The following LRIG1 variants were observed in gnomAD, a reference collection of about 807,000 sequenced individuals.
LRIG1 encodes the protein leucine-rich repeats and immunoglobulin-like domains protein 1.
A neutral mutation model predicts 99.2 loss-of-function variants in LRIG1; 48 were observed. That is an observed-to-expected ratio of 0.48 (90% CI 0.38 to 0.62). LRIG1 has a LOEUF of 0.62. Among genes scored for constraint, LRIG1 ranks in the 20% least tolerant of loss-of-function variants. LRIG1 has a pLI of 0.00. For synonymous variants in LRIG1, 772 were observed against 596.1 expected, an observed-to-expected ratio of 1.29 and a Z score of -4.30; for missense variants, 1,646 against 1,434.4, an observed-to-expected ratio of 1.15 and a Z score of -2.38.
chr3:66,428,059 C>G (rs2106733542), intron 3 of LRIG1, among the ~76,000 whole-genome samples: 1 of 152,204 alleles, frequency 6.6e-6, no homozygotes, highest in Admixed American at 6.5e-5. Context: ...GAGTTATTTC[C>G]AATTCAGGCT....
Position 66,468,253 on chromosome 3 carries a change from G to A in LRIG1, c.219-5744C>T, listed in dbSNP as rs148452045. Among the ~76,000 whole-genome samples the A allele has an allele frequency of 5.8e-3, 886 of 152,220 alleles. 11 individuals are homozygous for A. Among genetic ancestry groups the A allele is most frequent in the African/African-American group, 0.02 (830 of 41,524 alleles). On this transcript the variant is annotated intron_variant, in intron 1 of 18. Transcript: ENST00000273261. ...TGTGGTGAGGAAACAACCCCACTTCGTTAGACAACAGAATTATCACTTCAT... is the reference window on the plus strand; with the variant it reads ...TGTGGTGAGGAAACAACCCCACTTCATTAGACAACAGAATTATCACTTCAT...
chr3:66,424,582 T>C (rs994804406), intron 3 of LRIG1, among the ~76,000 whole-genome samples: 2 of 152,198 alleles, frequency 1.3e-5, no homozygotes, highest in African/African-American at 2.4e-5. Flanking sequence ...AGAAGATCCA[T>C]ACCTCTTTTT....
chr3:66,389,449 C>T (rs1476274696), intron 12 of LRIG1, among the ~76,000 whole-genome samples: 1 of 152,082 alleles, frequency 6.6e-6, no homozygotes, highest in Non-Finnish European at 1.5e-5. Flanking sequence ...AAACTATGAT[C>T]CAGCTATAGC....
At chr3:66,389,606 G>A (rs2107953519) in intron 12 of LRIG1, among the ~76,000 whole-genome samples, 1 of 152,246 alleles carries the variant, frequency 6.6e-6, no homozygotes, top group Middle Eastern at 3.4e-3. Context: ...ATGTAAAAGG[G>A]TCAATGCATC....
At chr3:66,428,412 C>A (rs1188556344) in intron 3 of LRIG1, among the ~76,000 whole-genome samples, 1 of 152,092 alleles carries the variant, frequency 6.6e-6, no homozygotes, top group African/African-American at 2.4e-5. Context: ...CATGGCCAAG[C>A]TCAATCTAAT....
chr3:66,386,121 G>A lies in LRIG1; in HGVS notation c.1649C>T (p.Ala550Val), dbSNP rs146524014. 124 of 1,614,094 alleles carry A rather than the reference G, an allele frequency of 7.7e-5. No individual in the cohort carries two copies. The highest frequency in any genetic ancestry group is 5.5e-4 in the African/African-American group (41 of 75,034). ...GTACTCCATCACTTCCCCGTCCTGC[G>A]CGTGGACGTGGACAAAGTTCTCCAT... ...ADMENFVHVH[A>V]QDGEVMEYTT... Residue 550 changes from alanine to valine, a missense_variant, in exon 13 of 19, where the codon GCG (alanine) becomes GTG (valine). Physicochemically the swap from Ala to Val is moderately conservative, Grantham distance 64 (BLOSUM62 0). Transcript: ENST00000273261.
intron 3 of LRIG1, among the ~76,000 whole-genome samples, chr3:66,438,477 C>T (rs1208316778): frequency 6.6e-6 from 1 of 152,110 alleles, no homozygotes; most frequent in Admixed American, 6.5e-5. Context: ...GGTGAGGGAA[C>T]AGAAGTCACA....
At position 66,445,323 on chromosome 3, in the gene LRIG1, T is replaced by C. The variant is rs953749613; in HGVS notation, c.365+6236A>G. The stretch of plus-strand genomic sequence containing the variant: ...TACTTTTACCCAAACGGACTGGCCA[T>C]CCTTCAATAGTAAAGCTAAATCAGG... On this transcript the variant is annotated intron_variant, in intron 3 of 18. Coordinates refer to ENST00000273261, the MANE Select transcript of LRIG1 (RefSeq NM_015541.3). Among the ~76,000 whole-genome samples, 23 of 152,092 alleles carry C rather than the reference T, an allele frequency of 1.5e-4. No homozygotes were observed. In the East Asian group the frequency reaches 3.1e-3, roughly 20 times the overall value.
rs1575638462 is a variant in LRIG1 at position 66,380,613 on chromosome 3, C to G, written c.3019G>C (p.Val1007Leu). 1 of 1,614,170 alleles carries G rather than the reference C, an allele frequency of 6.2e-7. No homozygotes were observed. Among genetic ancestry groups the G allele is most frequent in the South Asian group, 1.1e-5 (1 of 91,084 alleles). ...AGAGATGCCATTGGCTTTTTCTTCA[C>G]AGCCGTCAGCATTCTATCGTGGTTA... is the stretch of plus-strand genomic sequence containing the variant. ...PSNHDRMLTA[V>L]KKKPMASLDG... Residue 1007 changes from valine to leucine, a missense_variant, in exon 18 of 19, where the codon GTG (valine) becomes CTG (leucine). By Grantham distance (32) the Val-to-Leu change is conservative (BLOSUM62 1). Coordinates refer to ENST00000273261, the MANE Select transcript of LRIG1 (RefSeq NM_015541.3).
At chr3:66,464,830 A>G (rs780720558) in intron 1 of LRIG1, among the ~76,000 whole-genome samples, 4 of 152,220 alleles carry the variant, frequency 2.6e-5, no homozygotes, top group Admixed American at 1.3e-4. Flanking sequence ...TCCCTTAAAG[A>G]GCAGACAAAA....
In LRIG1 at chr3:66,380,233, T is replaced by C. The variant is rs1700954267; in HGVS notation, c.*30A>G. 4 of 1,566,548 alleles carry C rather than the reference T, an allele frequency of 2.6e-6. No individual in the cohort carries two copies. Among genetic ancestry groups the C allele is most frequent in the East Asian group, 2.2e-5 (1 of 44,488 alleles). On this transcript the variant is annotated 3_prime_UTR_variant, in exon 19 of 19. Transcript: ENST00000273261. ...TCCTACCTCTCTTTCCCGTAGAGATTGGTATGACAAGAACTGAGGTAGACA... is the reference window on the plus strand; with the variant it reads ...TCCTACCTCTCTTTCCCGTAGAGATCGGTATGACAAGAACTGAGGTAGACA...
intron 4 of LRIG1, among the ~76,000 whole-genome samples, 175 bp from the exon 5 acceptor site, chr3:66,415,238 C>T (rs748093224): frequency 2.0e-5 from 3 of 152,180 alleles, no homozygotes; most frequent in Non-Finnish European, 4.4e-5. Context: ...TAGAGAGATG[C>T]AGGTGTTAGG....
intron 1 of LRIG1, among the ~76,000 whole-genome samples, chr3:66,467,166 G>A (rs149427840): frequency 3.0e-4 from 46 of 152,270 alleles, no homozygotes; most frequent in African/African-American, 8.2e-4. Context: ...CGCTGAGCAC[G>A]TTTCCTAACA....
chr3:66,464,698 T>A (rs1432492166), intron 1 of LRIG1, among the ~76,000 whole-genome samples: 2 of 152,158 alleles, frequency 1.3e-5, no homozygotes, highest in African/African-American at 4.8e-5. Flanking sequence ...ATTAAACTGA[T>A]GGCTCGGTTT....
intron 1 of LRIG1, among the ~76,000 whole-genome samples, chr3:66,488,871 T>C (rs769208072): frequency 2.1e-4 from 32 of 152,344 alleles, no homozygotes; most frequent in Admixed American, 9.2e-4. Flanking sequence ...TTATGGCAAG[T>C]ATTCACTGAA....
intron 1 of LRIG1, among the ~76,000 whole-genome samples, chr3:66,499,405 G>C (rs539544019): frequency 6.6e-6 from 1 of 152,324 alleles, no homozygotes; most frequent in East Asian, 1.9e-4. Context: ...GGAGGAGAGA[G>C]TCTTGAGGGT....
At chr3:66,451,437 GA>G (rs1202602533) in intron 3 of LRIG1, 121 bp downstream of exon 3, 6 of 740,766 alleles carry the variant, frequency 8.1e-6, no homozygotes, top group Non-Finnish European at 1.4e-5. Context: ...GCCACATGAA[GA>G]AAGGTCTTTC....
chr3:66,460,508 AAT>A (rs1700331847), intron 2 of LRIG1, among the ~76,000 whole-genome samples: 1 of 152,212 alleles, frequency 6.6e-6, no homozygotes, highest in Non-Finnish European at 1.5e-5. Context: ...GCCCTGATCC[AAT>A]ATGACTGGTG....
intron 12 of LRIG1, among the ~76,000 whole-genome samples, chr3:66,392,674 A>G (rs1424497664): frequency 6.6e-6 from 1 of 152,156 alleles, no homozygotes; most frequent in African/African-American, 2.4e-5. Flanking sequence ...TGCAATCCAG[A>G]ATATGCCAGG....
Sources: gnomAD v4.1 joint callset for allele counts (sites outside exome capture counted in the v4.1 genomes callset) on GRCh38, gnomAD v4.1.1 for gene constraint, MANE v1.5 for transcripts, NCBI Gene and HGNC (gene_info 2026-07-23, HGNC 2026-07-21) for gene names.